Variants in LYRM4 observed in about 807,000 individuals in gnomAD.
The protein encoded by LYRM4 is LYR motif-containing protein 4.
Under a neutral mutation model 11.7 loss-of-function variants are expected in LYRM4, and 9 were observed. The observed-to-expected ratio is 0.77, with a 90% CI of 0.46 to 1.34. The LOEUF is 1.34. Ranked by LOEUF, LYRM4 falls within the 40% of genes most tolerant of loss-of-function variation. LYRM4 has a pLI of 0.00. For missense variants in LYRM4, 133 were observed against 112.5 expected, an observed-to-expected ratio of 1.18 and a Z score of -0.82; for synonymous variants, 42 against 40.4, an observed-to-expected ratio of 1.04 and a Z score of -0.15.
downstream of LYRM4, among the ~76,000 whole-genome samples, chr6:5,100,752 T>A (rs1762473748): frequency 2.0e-5 from 3 of 152,200 alleles, no homozygotes; most frequent in Non-Finnish European, 2.9e-5. Context: ...TGTGGACGTG[T>A]GTTCCTGTTA....
At chr6:5,222,937 G>T (rs1762671534) in intron 1 of LYRM4, among the ~76,000 whole-genome samples, 1 of 152,152 alleles carries the variant, frequency 6.6e-6, no homozygotes, top group Non-Finnish European at 1.5e-5. Flanking sequence ...TAGGGCAAAG[G>T]TGTATAACCT....
At chr6:5,257,116 C>T (rs1764714024) in intron 1 of LYRM4, among the ~76,000 whole-genome samples, 1 of 152,172 alleles carries the variant, frequency 6.6e-6, no homozygotes, top group Non-Finnish European at 1.5e-5. Context: ...CCAGAGTGAT[C>T]TATCAGAAAA....
intron 2 of LYRM4, among the ~76,000 whole-genome samples, chr6:5,191,175 T>C (rs1195394153): frequency 1.3e-5 from 2 of 152,068 alleles, no homozygotes; most frequent in Non-Finnish European, 2.9e-5. Context: ...TACAATGAAA[T>C]ACTGGAAGCT....
At chr6:5,086,112 G>A in the LYRM4 span, 3 of 1,462,658 alleles carry the variant, frequency 2.1e-6, no homozygotes, top group African/African-American at 4.5e-5. Flanking sequence ...CGAGCGCCGC[G>A]GCCGAGCGTC....
intron 2 of LYRM4, among the ~76,000 whole-genome samples, chr6:5,140,142 C>T (rs1449139488): frequency 6.6e-6 from 1 of 151,044 alleles, no homozygotes; most frequent in Non-Finnish European, 1.5e-5. Flanking sequence ...GTGGGAAGAT[C>T]ACTTAAGCCT....
intron 2 of LYRM4, among the ~76,000 whole-genome samples, chr6:5,200,052 T>A (rs1353255146): frequency 6.6e-6 from 1 of 152,222 alleles, no homozygotes; most frequent in Non-Finnish European, 1.5e-5. Context: ...TTCCCACAAA[T>A]TCCCCCTGAA....
chr6:5,146,188 A>G (rs1334174997), intron 2 of LYRM4, among the ~76,000 whole-genome samples: 1 of 152,174 alleles, frequency 6.6e-6, no homozygotes, highest in East Asian at 1.9e-4. Flanking sequence ...GGGGCAGTTT[A>G]GTAGCATGTT....
intron 1 of LYRM4, among the ~76,000 whole-genome samples, chr6:5,231,641 G>C (rs1763248616): frequency 6.6e-6 from 1 of 152,192 alleles, no homozygotes; most frequent in Admixed American, 6.5e-5. Context: ...CATTTCTAAA[G>C]TCTTGTCCAG....
chr6:5,170,200 T>C (rs1413896754), intron 2 of LYRM4, among the ~76,000 whole-genome samples: 1 of 152,192 alleles, frequency 6.6e-6, no homozygotes, highest in South Asian at 2.1e-4. Flanking sequence ...ACATCAAATG[T>C]TTGTTTGAAA....
At chr6:5,045,198 T>C in the LYRM4 span, among the ~76,000 whole-genome samples, 1 of 152,156 alleles carries the variant, frequency 6.6e-6, no homozygotes, top group Non-Finnish European at 1.5e-5. Context: ...CAACAGCCAA[T>C]AGGCAGAAGC....
chr6:5,077,717 AT>A, the LYRM4 span, among the ~76,000 whole-genome samples: 1 of 152,222 alleles, frequency 6.6e-6, no homozygotes, highest in African/African-American at 2.4e-5. Context: ...TCCCTTTAGA[AT>A]TTAAAGGGTT....
chr6:5,153,296 G>T (rs1391110136), intron 2 of LYRM4, among the ~76,000 whole-genome samples: 1 of 152,090 alleles, frequency 6.6e-6, no homozygotes, highest in African/African-American at 2.4e-5. Flanking sequence ...TTGCCATGGT[G>T]GCCAGGTTGC....
chr6:5,256,095 C>G (rs202246926), intron 1 of LYRM4, among the ~76,000 whole-genome samples: 1 of 151,798 alleles, frequency 6.6e-6, no homozygotes, highest in East Asian at 2.0e-4. Context: ...ATTGAGAAAT[C>G]CTAGTTTAAG....
At chr6:5,064,747 G>C in the LYRM4 span, among the ~76,000 whole-genome samples, 1 of 152,088 alleles carries the variant, frequency 6.6e-6, no homozygotes. Context: ...CATATTTATG[G>C]GGTACAGTGT....
At chr6:5,074,677 G>A in the LYRM4 span, among the ~76,000 whole-genome samples, 1 of 151,350 alleles carries the variant, frequency 6.6e-6, no homozygotes, top group South Asian at 2.1e-4. Context: ...ACAACATGCA[G>A]GTTTGTTAAA....
At chr6:5,085,847 C>G in the LYRM4 span, 3 of 1,529,258 alleles carry the variant, frequency 2.0e-6, no homozygotes, top group Admixed American at 4.0e-5. Flanking sequence ...CAGCTCGGCC[C>G]GGGCGGCTGC....
At chr6:5,239,432 G>A (rs1369441414) in intron 1 of LYRM4, among the ~76,000 whole-genome samples, 1 of 152,054 alleles carries the variant, frequency 6.6e-6, no homozygotes, top group Non-Finnish European at 1.5e-5. Context: ...CCCCTGGAAA[G>A]GACAAATGGA....
At chr6:5,197,902 T>C (rs1429014177) in intron 2 of LYRM4, among the ~76,000 whole-genome samples, 1 of 151,528 alleles carries the variant, frequency 6.6e-6, no homozygotes, top group Non-Finnish European at 1.5e-5. Context: ...CCGGGTGCGG[T>C]GGCTCACGCC....
intron 1 of LYRM4, among the ~76,000 whole-genome samples, chr6:5,224,076 A>G (rs932471765): frequency 6.6e-6 from 1 of 152,186 alleles, no homozygotes; most frequent in Non-Finnish European, 1.5e-5. Flanking sequence ...GAGGCCTGCT[A>G]TTTCTCCACA....
Sources: allele counts gnomAD v4.1 joint callset (sites outside exome capture counted in the v4.1 genomes callset), GRCh38; gene constraint gnomAD v4.1.1; transcripts MANE v1.5; gene names NCBI Gene and HGNC (gene_info 2026-07-23, HGNC 2026-07-21).